Variants in ESRRA observed in about 807,000 individuals in gnomAD.
ESRRA encodes the protein steroid hormone receptor ERR1.
Under a neutral mutation model 35.6 loss-of-function variants are expected in ESRRA, and 7 were observed. The ratio of observed to expected loss-of-function variants is 0.20; its 90% CI spans 0.11 to 0.37. The LOEUF is 0.37. Ranked by LOEUF, ESRRA falls within the 10% of genes least tolerant of loss-of-function variation. The pLI, the probability that ESRRA is intolerant of heterozygous loss-of-function variation, is 1.00. For synonymous variants in ESRRA, 223 were observed against 246.9 expected, an observed-to-expected ratio of 0.90 and a Z score of 0.91; for missense variants, 378 against 561.7, an observed-to-expected ratio of 0.67 and a Z score of 3.31.
intron 4 of ESRRA, 43 bp from the exon 5 acceptor site, chr11:64,314,698 A>C: frequency 6.3e-7 from 1 of 1,577,560 alleles, no homozygotes; most frequent in Non-Finnish European, 8.6e-7. Context: ...CTGAGGCCTG[A>C]CAGATTCGAG....
At chr11:64,308,595 T>C (rs2035080198) in intron 2 of ESRRA, among the ~76,000 whole-genome samples, 1 of 143,076 alleles carries the variant, frequency 7.0e-6, no homozygotes, top group African/African-American at 2.6e-5. Context: ...GGCGGGCGGA[T>C]CATGAGGTCA....
intron 6 of ESRRA, 42 bp downstream of exon 6, chr11:64,315,312 A>G: frequency 1.3e-6 from 2 of 1,514,506 alleles, no homozygotes; most frequent in South Asian, 1.3e-5. Flanking sequence ...TGTCTCCGTA[A>G]GGTCTTCAGG....
intron 2 of ESRRA, among the ~76,000 whole-genome samples, chr11:64,312,526 T>C (rs1367760347): frequency 6.6e-6 from 1 of 152,208 alleles, no homozygotes; most frequent in Admixed American, 6.5e-5. Context: ...GCCTGCTGTC[T>C]AGCTGTGTCA....
intron 6 of ESRRA, 32 bp from the exon 7 acceptor site, chr11:64,315,675 C>G (rs1480517105): frequency 6.2e-7 from 1 of 1,610,112 alleles, no homozygotes; most frequent in African/African-American, 1.3e-5. Flanking sequence ...AGAGATAGCC[C>G]AGGCCAACAC....
chr11:64,316,390 T>TG lies in ESRRA; in HGVS notation c.*425dup. Reference sequence around the variant, plus strand: ...GTGGGACTTGGAGAGCAAAGGCCCATGCCCCCTTCGCTCCTCCTCTCATCA... The same window carrying TG: ...GTGGGACTTGGAGAGCAAAGGCCCATGGCCCCCTTCGCTCCTCCTCTCATCA... On this transcript the variant is annotated 3_prime_UTR_variant, in exon 7 of 7. Coordinates refer to ENST00000000442, the MANE Select transcript of ESRRA (RefSeq NM_004451.5). 1 of 197,876 alleles carries TG rather than the reference T, an allele frequency of 5.1e-6. No individual in the cohort carries two copies. The highest frequency in any genetic ancestry group is 1.1e-5 in the Non-Finnish European group (1 of 94,530). 12.3% of individuals were successfully genotyped at this position (197,876 alleles called of 1,614,324 possible). A position where few individuals can be genotyped will look rare whatever the true frequency, so the allele number is the denominator to read the frequency against.
intron 1 of ESRRA, chr11:64,306,450 T>A (rs1259602560): frequency 2.0e-5 from 3 of 152,458 alleles, no homozygotes; most frequent in Non-Finnish European, 2.9e-5. Flanking sequence ...GCGTGTCAGG[T>A]GTGAAAAGCT....
At chr11:64,310,514 G>A (rs1374044267) in intron 2 of ESRRA, among the ~76,000 whole-genome samples, 1 of 147,990 alleles carries the variant, frequency 6.8e-6, no homozygotes, top group Non-Finnish European at 1.5e-5. Flanking sequence ...GATTACAGGC[G>A]TGAGCCACTG....
chr11:64,316,060 C>T lies in ESRRA; in HGVS notation c.*94C>T, dbSNP rs2035252127. 4.2e-6 allele frequency: 6 copies of T among 1,417,572 alleles called. No individual in the cohort carries two copies. Among genetic ancestry groups the T allele is most frequent in the Non-Finnish European group, 4.8e-6 (5 of 1,049,896 alleles). The allele number at this position is 1,417,572 out of a possible 1,614,324, so 87.8% of individuals were successfully genotyped here. Reference sequence around the variant, plus strand: ...GGCGGAGCTGGGGTCTGGGCAGTGCCACAGCCTGCTGGCAGGGCCAGGGCA... The same window carrying T: ...GGCGGAGCTGGGGTCTGGGCAGTGCTACAGCCTGCTGGCAGGGCCAGGGCA... On this transcript the variant is annotated 3_prime_UTR_variant, in exon 7 of 7. Transcript: ENST00000000442.
rs774775148 is a variant in ESRRA at position 64,315,060 on chromosome 11, G to A, written c.802G>A (p.Val268Met). The A allele has an allele frequency of 2.5e-6, 4 of 1,610,356 alleles. No individual in the cohort carries two copies. In the South Asian group the frequency reaches 4.4e-5, roughly 18 times the overall value. The change falls in exon 6 of 7, where the codon GTG (valine) becomes ATG (methionine). Residue 268 changes from valine (V) to methionine (M), a missense_variant. Val to Met is a conservative substitution (Grantham distance 21, BLOSUM62 1). Around this residue, in one of 4 missense-constraint regions of ESRRA, gnomAD observed 284 missense variants for 411.7 expected, o/e 0.69. Transcript: ENST00000000442. ...AGTACTGCAGAGCGTGTGGATGGAG[G>A]TGCTGGTGCTGGGTGTGGCCCAGCG... ...MSVLQSVWME[V>M]LVLGVAQRSL...
rs750270682 is a variant in ESRRA, at chr11:64,315,251, C to T, written c.993C>T (p.Ala331=). 26 of 1,570,520 alleles carry T rather than the reference C, an allele frequency of 1.7e-5. No homozygotes were observed. The highest frequency in any genetic ancestry group is 2.1e-5 in the Non-Finnish European group (24 of 1,155,392). The change falls in exon 6 of 7, where the codon GCC becomes GCT. Residue 331 remains alanine, a synonymous_variant. Coordinates refer to ENST00000000442, the MANE Select transcript of ESRRA (RefSeq NM_004451.5). The part of the protein sequence containing the change: ...LEREEYVLLK[A]LALANSDSVH... ...GAGAGGAGTATGTTCTACTAAAGGC[C>T]TTGGCCCTTGCCAATTCAGGTGAGT...
chr11:64,314,252 C>A lies in ESRRA; in HGVS notation c.456C>A (p.Asp152Glu). Residue 152 changes from aspartate (D) to glutamate (E), a missense_variant, in exon 4 of 7, where the codon GAC becomes GAA. By Grantham distance (45) the Asp-to-Glu change is conservative (BLOSUM62 2). Coordinates refer to ENST00000000442, the MANE Select transcript of ESRRA (RefSeq NM_004451.5). ...VGMLKEGVRLDRVRGGRQKYK... is the reference protein window; with the variant it reads ...VGMLKEGVRLERVRGGRQKYK... Reference sequence around the variant, plus strand: ...CCACAATTCAAGGAGTGCGCCTGGACCGCGTCCGGGGTGGGCGGCAGAAGT... The same window carrying A: ...CCACAATTCAAGGAGTGCGCCTGGAACGCGTCCGGGGTGGGCGGCAGAAGT... 6.2e-7 allele frequency: 1 copy of A among 1,611,074 alleles called. No homozygotes were observed. The highest frequency in any genetic ancestry group is 8.5e-7 in the Non-Finnish European group (1 of 1,179,406).
rs2035248766 is a variant in ESRRA, at chr11:64,315,977, G to A, written c.*11G>A. 2.6e-6 allele frequency: 4 copies of A among 1,549,198 alleles called. No homozygotes were observed. Among genetic ancestry groups the A allele is most frequent in the Non-Finnish European group, 3.5e-6 (4 of 1,143,186 alleles). ...GCCATGATGGACTGAGGCAAGGGGT[G>A]GGACTGGTGGGGGTTCTGGCAGGAC... On this transcript the variant is annotated 3_prime_UTR_variant, in exon 7 of 7. Transcript: ENST00000000442.
intron 3 of ESRRA, 81 bp downstream of exon 3, chr11:64,314,148 G>A: frequency 1.3e-6 from 2 of 1,555,878 alleles, no homozygotes; most frequent in Non-Finnish European, 1.7e-6. Flanking sequence ...GGGAGTTCTG[G>A]TGAGTGGACT....
At chr11:64,314,163 G>A in intron 3 of ESRRA, 76 bp from the exon 4 acceptor site, 2 of 1,563,062 alleles carry the variant, frequency 1.3e-6, no homozygotes, top group Non-Finnish European at 1.7e-6. Flanking sequence ...TGGACTCGGG[G>A]AGGACAGCTC....
intron 4 of ESRRA, 136 bp from the exon 5 acceptor site, chr11:64,314,605 C>T (rs1384353159): frequency 9.3e-6 from 9 of 964,446 alleles, no homozygotes; most frequent in African/African-American, 1.6e-5. Context: ...AGACAGTTAG[C>T]GCTCTTCCCT....
At position 64,314,377 on chromosome 11, in the gene ESRRA, C is replaced by T. The variant is rs2276012; in HGVS notation, c.571+10C>T. The T allele has an allele frequency of 3.4e-5, 52 of 1,552,000 alleles. No individual in the cohort carries two copies. In the East Asian group the frequency reaches 1.1e-3, roughly 32 times the overall value. ...GGCCCCCGGAAGACAGGTGAGAGCA[C>T]TGTGGGTACCTGGGGCTACGAAACC... On this transcript the variant is annotated intron_variant, in intron 4 of 6. Coordinates refer to ENST00000000442, the MANE Select transcript of ESRRA (RefSeq NM_004451.5).
rs1482497750 is a variant in ESRRA, at chr11:64,316,511, C to T, written c.*545C>T. ...GGTGGCCAGGGCTTCCCCATCAGCT[C>T]CCAACGAGCCTCCTCAGGGGGTAGG... On this transcript the variant is annotated 3_prime_UTR_variant, in exon 7 of 7. Coordinates refer to ENST00000000442, the MANE Select transcript of ESRRA (RefSeq NM_004451.5). The T allele has an allele frequency of 8.5e-6, 2 of 234,656 alleles. No homozygotes were observed. The highest frequency in any genetic ancestry group is 1.7e-5 in the Non-Finnish European group (2 of 116,834). 14.5% of individuals were successfully genotyped at this position (234,656 alleles called of 1,614,324 possible). A position where few individuals can be genotyped will look rare whatever the true frequency, so the allele number is the denominator to read the frequency against.
intron 2 of ESRRA, among the ~76,000 whole-genome samples, chr11:64,312,320 A>G (rs2035156909): frequency 6.6e-6 from 1 of 151,914 alleles, no homozygotes; most frequent in Non-Finnish European, 1.5e-5. Context: ...TTGTACTTTT[A>G]GTAGAGACGG....
rs774052087 is a variant in ESRRA at position 64,313,938 on chromosome 11, C to T, written c.326-13C>T. On this transcript the variant is annotated splice_polypyrimidine_tract_variant and intron_variant, in intron 2 of 6. Coordinates refer to ENST00000000442, the MANE Select transcript of ESRRA (RefSeq NM_004451.5). This position sits in a 1 kb window ranked among gnomAD's most constrained non-coding sequence, Gnocchi z 4.0. ...CGGGAGGCCGCCACTGGAGCCCTGC[C>T]TCTTCCTGGCAGGGAGCATCGAGTA... The T allele has an allele frequency of 1.9e-5, 29 of 1,553,278 alleles. No homozygotes were observed. The Admixed American group carries it at 2.1e-4, about 11-fold the overall frequency.
Sources: gnomAD v4.1 joint callset for allele counts (sites outside exome capture counted in the v4.1 genomes callset) on GRCh38, gnomAD v4.1.1 for gene constraint, gnomAD v4.1.1 regional missense constraint, Gnocchi (gnomAD v3.1) non-coding constraint, MANE v1.5 for transcripts, NCBI Gene and HGNC (gene_info 2026-07-23, HGNC 2026-07-21) for gene names.